Variants in PDZD2 observed in about 807,000 individuals in gnomAD.
The protein encoded by PDZD2 is PDZ domain-containing protein 2.
PDZD2 carries 90 observed loss-of-function variants against 220.7 expected under a neutral mutation model. That is an observed-to-expected ratio of 0.41 (90% confidence interval 0.34 to 0.49). The LOEUF is 0.49. PDZD2 is among the 20% of genes least tolerant of loss of function. PDZD2 has a pLI of 0.28. For missense variants in PDZD2, 3,174 were observed against 3,608.5 expected, an observed-to-expected ratio of 0.88 and a Z score of 3.08; for synonymous variants, 1,375 against 1,450.5, an observed-to-expected ratio of 0.95 and a Z score of 1.18.
intron 2 of PDZD2, among the ~76,000 whole-genome samples, chr5:31,946,027 G>A (rs1043123137): frequency 2.6e-5 from 4 of 152,086 alleles, no homozygotes; most frequent in South Asian, 2.1e-4. Context: ...TTTTGAGATG[G>A]AGTCTCCCTC....
At position 32,058,148 on chromosome 5, in the gene PDZD2, A is replaced by G. The variant is rs766073890; in HGVS notation, c.2200+45A>G. The G allele has an allele frequency of 6.7e-5, 67 of 999,786 alleles. 1 individual carries two copies. Among genetic ancestry groups the G allele is most frequent in the Admixed American group, 1.4e-4 (8 of 55,780 alleles). The allele number at this position is 999,786 out of a possible 1,614,324, so 61.9% of individuals were successfully genotyped here. ...ACCTTTGTCTCATTTCTTGAATAAC[A>G]TTTTGGAATCTGTTGTTAGCTTAAT... On this transcript the variant is annotated intron_variant, in intron 12 of 24. Coordinates refer to ENST00000438447, the MANE Select transcript of PDZD2 (RefSeq NM_178140.4).
intron 16 of PDZD2, among the ~76,000 whole-genome samples, chr5:32,071,669 G>A (rs1740759788): frequency 6.6e-6 from 1 of 152,186 alleles, no homozygotes; most frequent in South Asian, 2.1e-4. Flanking sequence ...TGCAAAATAA[G>A]TTTTCAAACT....
chr5:32,033,393 G>A (rs1309889309), intron 6 of PDZD2, among the ~76,000 whole-genome samples: 3 of 152,126 alleles, frequency 2.0e-5, no homozygotes, highest in African/African-American at 4.8e-5. Context: ...GTTACAAGTC[G>A]TCTAATATCA....
intron 1 of PDZD2, among the ~76,000 whole-genome samples, chr5:31,687,618 G>A (rs1746926104): frequency 6.6e-6 from 1 of 152,084 alleles, no homozygotes; most frequent in Non-Finnish European, 1.5e-5. Flanking sequence ...ATATTGATTT[G>A]TTATGCCATA....
intron 6 of PDZD2, among the ~76,000 whole-genome samples, chr5:32,016,874 G>A (rs1404602214): frequency 6.6e-6 from 1 of 152,158 alleles, no homozygotes; most frequent in African/African-American, 2.4e-5. Context: ...TCAGATCGTA[G>A]TGACATTGTT....
chr5:31,936,096 CTG>C, intron 2 of PDZD2: 3 of 987,692 alleles, frequency 3.0e-6, no homozygotes, highest in Non-Finnish European at 3.6e-6. Context: ...GGGTGGGGCT[CTG>C]GAGCTCAGGA....
At chr5:31,830,632 A>C (rs1404660143) in intron 2 of PDZD2, among the ~76,000 whole-genome samples, 1 of 152,142 alleles carries the variant, frequency 6.6e-6, no homozygotes, top group Non-Finnish European at 1.5e-5. Context: ...TCAGTAAGCC[A>C]GGCCCTGGAG....
chr5:31,796,935 T>G (rs772896156), intron 1 of PDZD2, among the ~76,000 whole-genome samples: 83 of 82,214 alleles, frequency 1.0e-3, no homozygotes, highest in African/African-American at 4.8e-3. Context: ...TGTTTTTTTG[T>G]TTTTTTTTTT....
At chr5:32,079,726 G>T (rs749020601) in intron 19 of PDZD2, among the ~76,000 whole-genome samples, 1 of 151,862 alleles carries the variant, frequency 6.6e-6, no homozygotes, top group African/African-American at 2.4e-5. Context: ...CAGGAGAATC[G>T]TTTAAACCCA....
chr5:32,036,010 C>T (rs1323672075), intron 6 of PDZD2, among the ~76,000 whole-genome samples: 2 of 152,038 alleles, frequency 1.3e-5, no homozygotes, highest in East Asian at 3.9e-4. Context: ...GTAGCGTGAT[C>T]TCGGCTCACT....
Position 31,835,868 on chromosome 5 carries a change from G to A in PDZD2, c.476+36144G>A, listed in dbSNP as rs559239355. Among the ~76,000 whole-genome samples the A allele has an allele frequency of 4.6e-5, 7 of 152,180 alleles. No individual in the cohort carries two copies. The East Asian group carries it at 9.7e-4, about 21-fold the overall frequency. On this transcript the variant is annotated intron_variant, in intron 2 of 24. Coordinates refer to ENST00000438447, the MANE Select transcript of PDZD2 (RefSeq NM_178140.4). ...CAAATGTTTGTTGAGTGACATAAGC[G>A]TTCCTTCTGAAAATGCACGTCTTGG...
chr5:31,785,310 G>A (rs1049381924), intron 1 of PDZD2, among the ~76,000 whole-genome samples: 1 of 150,904 alleles, frequency 6.6e-6, no homozygotes, highest in Non-Finnish European at 1.5e-5. Context: ...CCAAGGTCAG[G>A]GTCACCTTGT....
At chr5:31,848,585 C>T (rs1757729648) in intron 2 of PDZD2, among the ~76,000 whole-genome samples, 1 of 149,470 alleles carries the variant, frequency 6.7e-6, no homozygotes, top group South Asian at 2.2e-4. Flanking sequence ...CCCGTCTCTA[C>T]TAAAAATACA....
chr5:31,791,281 CTT>C (rs966822463), intron 1 of PDZD2, among the ~76,000 whole-genome samples: 2 of 152,014 alleles, frequency 1.3e-5, no homozygotes, highest in Non-Finnish European at 2.9e-5. Context: ...GAGCTGTAGA[CTT>C]TGCTGAGAGT....
intron 2 of PDZD2, among the ~76,000 whole-genome samples, chr5:31,832,746 G>A (rs1756689316): frequency 6.6e-6 from 1 of 152,192 alleles, no homozygotes; most frequent in South Asian, 2.1e-4. Flanking sequence ...AGCCCAGGAG[G>A]CGGAGGTTGC....
chr5:31,642,465 G>A (rs1248163748), intron 1 of PDZD2, among the ~76,000 whole-genome samples: 1 of 152,196 alleles, frequency 6.6e-6, no homozygotes, highest in African/African-American at 2.4e-5. Flanking sequence ...TGTTCATGAA[G>A]CCAGGCTGCA....
intron 1 of PDZD2, among the ~76,000 whole-genome samples, chr5:31,771,252 TA>T (rs1752322777): frequency 6.6e-6 from 1 of 152,216 alleles, no homozygotes; most frequent in Non-Finnish European, 1.5e-5. Flanking sequence ...TATTCAGAGC[TA>T]GGGGAGATCT....
At chr5:31,838,242 G>C (rs1294001462) in intron 2 of PDZD2, among the ~76,000 whole-genome samples, 1 of 152,136 alleles carries the variant, frequency 6.6e-6, no homozygotes, top group East Asian at 1.9e-4. Flanking sequence ...ATTTTTATTA[G>C]AGATGGGGTT....
intron 2 of PDZD2, among the ~76,000 whole-genome samples, chr5:31,898,263 G>T (rs1741753255): frequency 6.6e-6 from 1 of 152,214 alleles, no homozygotes; most frequent in South Asian, 2.1e-4. Context: ...TCAGGTAACT[G>T]CACATAATAA....
Sources: gnomAD v4.1 joint callset for allele counts (sites outside exome capture counted in the v4.1 genomes callset) on GRCh38, gnomAD v4.1.1 for gene constraint, MANE v1.5 for transcripts, NCBI Gene and HGNC (gene_info 2026-07-23, HGNC 2026-07-21) for gene names.